Variants in NRP2 observed in about 807,000 individuals in gnomAD.
NRP2 encodes neuropilin-2.
Under a neutral mutation model 110.4 loss-of-function variants are expected in NRP2, and 52 were observed. That is an observed-to-expected ratio of 0.47 (90% confidence interval 0.38 to 0.59). The LOEUF (loss-of-function observed/expected upper bound fraction) is 0.59. Ranked by LOEUF, NRP2 falls within the 20% of genes least tolerant of loss-of-function variation. The pLI is 0.00. For missense variants in NRP2, 1,049 were observed against 1,203.0 expected (o/e 0.87, Z 1.89); for synonymous variants, 508 against 468.9 (o/e 1.08, Z -1.08).
intron 10 of NRP2, among the ~76,000 whole-genome samples, chr2:205,746,799 C>T (rs1050486845): frequency 4.6e-5 from 7 of 152,178 alleles, no homozygotes; most frequent in Non-Finnish European, 4.4e-5. Flanking sequence ...AAGGGCATGT[C>T]GGAGAAGTGC....
chr2:205,722,252 C>T (rs552244685), intron 3 of NRP2: 2 of 541,084 alleles, frequency 3.7e-6, no homozygotes, highest in Non-Finnish European at 6.7e-6. Context: ...TCCTCAATTG[C>T]TGCTCTCACT....
chr2:205,717,876 AC>A (rs2056932410), intron 3 of NRP2, among the ~76,000 whole-genome samples: 1 of 152,228 alleles, frequency 6.6e-6, no homozygotes, highest in South Asian at 2.1e-4. Flanking sequence ...AACCCTTTGC[AC>A]GTAACAGATT....
intron 2 of NRP2, among the ~76,000 whole-genome samples, chr2:205,714,183 A>G (rs2056850288): frequency 1.3e-5 from 2 of 152,202 alleles, no homozygotes; most frequent in African/African-American, 4.8e-5. Context: ...CATCAACCCT[A>G]GGAGAAGACT....
intron 1 of NRP2, among the ~76,000 whole-genome samples, chr2:205,697,316 G>C (rs1575548469): frequency 1.1e-5 from 1 of 87,642 alleles, no homozygotes; most frequent in Admixed American, 1.1e-4. Flanking sequence ...TTTCATCTGT[G>C]TGTGTGTGTG....
rs538202302 is a variant in NRP2, at chr2:205,724,012, G to A, written c.820+72G>A. 1.2e-4 allele frequency: 185 copies of A among 1,560,256 alleles called. 1 individual carries two copies. The African/African-American group carries it at 2.2e-3, about 18-fold the overall frequency. On this transcript the variant is annotated intron_variant, in intron 5 of 16. Coordinates refer to ENST00000357785, the MANE Select transcript of NRP2 (RefSeq NM_003872.3). ...TGTGAGGGTGTACAGGTGAAGGGGG[G>A]CTGAGCTCTTATGAGGGAGGAGATG...
chr2:205,748,660 C>T (rs1026983522), intron 10 of NRP2, among the ~76,000 whole-genome samples: 6 of 152,160 alleles, frequency 3.9e-5, no homozygotes, highest in Non-Finnish European at 7.3e-5. Flanking sequence ...CTGACAAAGG[C>T]GCCTAATCAC....
At chr2:205,716,469 A>G in intron 3 of NRP2, 95 bp downstream of exon 3, 1 of 1,271,086 alleles carries the variant, frequency 7.9e-7, no homozygotes, top group South Asian at 1.2e-5. Context: ...TAAGGGTGAC[A>G]GTGTCATCCA....
intron 7 of NRP2, among the ~76,000 whole-genome samples, chr2:205,737,070 T>A (rs2057357536): frequency 6.6e-6 from 1 of 152,260 alleles, no homozygotes; most frequent in South Asian, 2.1e-4. Context: ...TTGATATCTT[T>A]GGGCAAAAGA....
At chr2:205,734,170 T>TTATA (rs61142559) in intron 7 of NRP2, among the ~76,000 whole-genome samples, 1,749 of 149,362 alleles carry the variant, frequency 0.012, 23 homozygotes, top group African/African-American at 0.04. Flanking sequence ...CTCTCTGTGT[T>TTATA]TATATATATA....
At chr2:205,740,286 C>T (rs1000924363) in intron 7 of NRP2, among the ~76,000 whole-genome samples, 2 of 152,170 alleles carry the variant, frequency 1.3e-5, no homozygotes, top group Non-Finnish European at 2.9e-5. Flanking sequence ...AATTTTCCTT[C>T]CCTCTAAAAG....
chr2:205,763,554 A>T lies in NRP2; in HGVS notation c.2045-120A>T. 1 of 1,290,084 alleles carries T rather than the reference A, an allele frequency of 7.8e-7. No individual in the cohort carries two copies. The highest frequency in any genetic ancestry group is 1.2e-5 in the South Asian group (1 of 83,618). The allele number at this position is 1,290,084 out of a possible 1,614,324, so 79.9% of individuals were successfully genotyped here. A position where few individuals can be genotyped will look rare whatever the true frequency, so the allele number is the denominator to read the frequency against. Reference sequence around the variant, plus strand: ...GTCACAGAGCCTGGAGAACAAGGACATGAATAAACCAAAGACACCGAAACT... The same window carrying T: ...GTCACAGAGCCTGGAGAACAAGGACTTGAATAAACCAAAGACACCGAAACT... On this transcript the variant is annotated intron_variant, in intron 12 of 16. Transcript: ENST00000357785. The surrounding 1 kb of genome is among the most constrained non-coding windows in gnomAD (Gnocchi z 4.0).
At chr2:205,691,231 C>G (rs1198377358) in intron 1 of NRP2, among the ~76,000 whole-genome samples, 1 of 152,180 alleles carries the variant, frequency 6.6e-6, no homozygotes, top group East Asian at 1.9e-4. Flanking sequence ...CTCCAGAACT[C>G]TCACACATCT....
In NRP2 at chr2:205,794,789, G is replaced by C. The variant is rs191943915; in HGVS notation, c.2512G>C (p.Ala838Pro). The C allele has an allele frequency of 2.0e-5, 33 of 1,614,160 alleles. No individual in the cohort carries two copies. The East Asian group carries it at 7.1e-4, about 35-fold the overall frequency. Residue 838 changes from alanine to proline, a missense_variant, in exon 17 of 17, where the codon GCA becomes CCA. Coordinates refer to ENST00000357785, the MANE Select transcript of NRP2 (RefSeq NM_003872.3). ...GGTGGACTGGAGCAATTCTTCTTCTGCAACCTCAGGGTCTGGCGCCCCCTC... is the reference window on the plus strand; with the variant it reads ...GGTGGACTGGAGCAATTCTTCTTCTCCAACCTCAGGGTCTGGCGCCCCCTC... ...YEVDWSNSSS[A>P]TSGSGAPSTD...
At chr2:205,765,982 G>A (rs2057911639) in intron 14 of NRP2, among the ~76,000 whole-genome samples, 1 of 152,242 alleles carries the variant, frequency 6.6e-6, no homozygotes, top group South Asian at 2.1e-4. Context: ...TTATGTAAGA[G>A]TGATAACACA....
intron 15 of NRP2, chr2:205,776,124 T>C (rs1372807247): frequency 1.0e-6 from 1 of 969,582 alleles, no homozygotes; most frequent in Admixed American, 1.7e-5. Flanking sequence ...ACCACCTTAG[T>C]CCCCCAGACC....
chr2:205,765,006 G>A (rs1258567298), intron 13 of NRP2, among the ~76,000 whole-genome samples: 1 of 152,142 alleles, frequency 6.6e-6, no homozygotes, highest in Non-Finnish European at 1.5e-5. Flanking sequence ...GAAGCCCTAA[G>A]GCAACTTATA....
intron 15 of NRP2, among the ~76,000 whole-genome samples, chr2:205,787,156 C>G (rs1207803542): frequency 6.6e-6 from 1 of 152,042 alleles, no homozygotes; most frequent in East Asian, 1.9e-4. Flanking sequence ...AAACAGAGAC[C>G]CAGGGAGGTC....
At chr2:205,683,443 A>T in intron 1 of NRP2, 80 bp downstream of exon 1, 1 of 962,128 alleles carries the variant, frequency 1.0e-6, no homozygotes, top group Non-Finnish European at 1.7e-6. Context: ...AAGGCCACGC[A>T]GAACGGCACA....
intron 15 of NRP2, among the ~76,000 whole-genome samples, chr2:205,768,969 T>C (rs1013825549): frequency 1.3e-5 from 2 of 152,218 alleles, no homozygotes; most frequent in Admixed American, 1.3e-4. Context: ...GTCTCTTCTT[T>C]CTGGCTGAGA....
Sources: allele counts gnomAD v4.1 joint callset (sites outside exome capture counted in the v4.1 genomes callset), GRCh38; gene constraint gnomAD v4.1.1; non-coding constraint Gnocchi (gnomAD v3.1); transcripts MANE v1.5; gene names NCBI Gene and HGNC (gene_info 2026-07-23, HGNC 2026-07-21).